Variants in TNS1 observed in about 807,000 individuals in gnomAD.
TNS1 encodes the protein tensin 1.
A neutral mutation model predicts 168.6 loss-of-function variants in TNS1; 62 were observed. The observed-to-expected ratio is 0.37, with a 90% CI of 0.30 to 0.45. The LOEUF is 0.45. Ranked by LOEUF, TNS1 falls within the 20% of genes least tolerant of loss-of-function variation. The probability of loss-of-function intolerance (pLI) is 1.00; values close to 1 mark genes in which losing one functional copy is unlikely to be tolerated. For missense variants in TNS1, 2,240 were observed against 2,339.4 expected (o/e 0.96, Z 0.88); for synonymous variants, 934 against 933.2 (o/e 1.00, Z -0.02).
chr2:217,948,456 C>A lies in TNS1; in HGVS notation c.187-28220G>T, dbSNP rs1289651489. Among the ~76,000 whole-genome samples the A allele has an allele frequency of 6.6e-6, 1 of 152,170 alleles. No individual in the cohort carries two copies. The highest frequency in any genetic ancestry group is 2.4e-5 in the African/African-American group (1 of 41,424). On this transcript the variant is annotated intron_variant, in intron 3 of 32. Transcript: ENST00000682258. The surrounding 1 kb of genome is among the most constrained non-coding windows in gnomAD (Gnocchi z 4.1). ...GGCCTCTGAATCCTGCTAGGCCCAA[C>A]ACACCCCATAGGGAGCCAGGCCCCA...
Position 217,836,175 on chromosome 2 carries a change from G to T in TNS1, c.3044C>A (p.Pro1015Gln). 1 of 1,613,160 alleles carries T rather than the reference G, an allele frequency of 6.2e-7. No individual in the cohort carries two copies. ...QAREKQPAEP[P>Q]APLRRRAASD... ...GGCCGCCCGCCTCCGCAGAGGGGCTGGGGGCTCTGCAGGCTGCTTCTCCCG... is the reference window on the plus strand; with the variant it reads ...GGCCGCCCGCCTCCGCAGAGGGGCTTGGGGCTCTGCAGGCTGCTTCTCCCG... Residue 1015 changes from proline to glutamine, a missense_variant, in exon 20 of 33, where the codon CCA becomes CAA. By Grantham distance (76) the Pro-to-Gln change is moderately conservative. This residue lies in a region of TNS1 where 2,131 missense variants were observed against 2,171.2 expected (regional missense o/e 0.98). Coordinates refer to ENST00000682258, the MANE Select transcript of TNS1 (RefSeq NM_001387777.1).
chr2:217,809,180 CATGGATGG>C lies in TNS1; in HGVS notation c.5274-517_5274-510del, dbSNP rs879608103. ...GGATGAATAAATGCAGGGATGGAGG[CATGGATGG>C]ATGGATGGATGGATGGATGGATGGA... On this transcript the variant is annotated intron_variant, in intron 30 of 32. Transcript: ENST00000682258. 3.1e-5 allele frequency among the ~76,000 whole-genome samples: 4 copies of C among 130,644 alleles called. 1 individual carries two copies. The highest frequency in any genetic ancestry group is 4.7e-4 in the East Asian group (2 of 4,224). 85.7% of individuals were successfully genotyped at this position (130,644 alleles called of 152,430 possible). A position where few individuals can be genotyped will look rare whatever the true frequency, so the allele number is the denominator to read the frequency against.
Position 217,880,934 on chromosome 2 carries a change from C to G in TNS1, c.1393G>C (p.Asp465His), listed in dbSNP as rs1335007751. 1.7e-5 allele frequency: 27 copies of G among 1,614,088 alleles called. No individual in the cohort carries two copies. The highest frequency in any genetic ancestry group is 2.3e-5 in the Non-Finnish European group (27 of 1,180,004). The change falls in exon 18 of 33, where the codon GAC becomes CAC. Residue 465 changes from aspartate (D) to histidine (H), a missense_variant. Around this residue, in one of 2 missense-constraint regions of TNS1, gnomAD observed 2,131 missense variants for 2,171.2 expected, o/e 0.98. Coordinates refer to ENST00000682258, the MANE Select transcript of TNS1 (RefSeq NM_001387777.1). This position sits in a 1 kb window ranked among gnomAD's most constrained non-coding sequence, Gnocchi z 4.2. ...SDPLIRWDSY[D>H]NFSGHRDDGM... is the part of the protein sequence containing the mutation. The stretch of plus-strand genomic sequence containing the variant: ...TCATCTCGATGCCCACTGAAGTTGT[C>G]GTAGGAGTCCCAGCGGATGAGGGGG...
upstream of TNS1, chr2:218,003,128 C>T (rs903700913): frequency 2.8e-6 from 1 of 360,614 alleles, no homozygotes; most frequent in Non-Finnish European, 5.5e-6. Flanking sequence ...GGTCAGGAAC[C>T]CTGCTTTGCA....
intron 3 of TNS1, among the ~76,000 whole-genome samples, chr2:217,966,338 A>G (rs1270959205): frequency 1.4e-5 from 2 of 148,002 alleles, no homozygotes; most frequent in Admixed American, 1.3e-4. Context: ...AGGAGACAGC[A>G]AGAGAGAGAG....
intron 9 of TNS1, among the ~76,000 whole-genome samples, chr2:217,894,618 C>A (rs1489550004): frequency 6.6e-6 from 1 of 152,122 alleles, no homozygotes; most frequent in Non-Finnish European, 1.5e-5. Context: ...GATCACGCCA[C>A]TGCACTCCAG....
chr2:217,805,189 G>A (rs143113579), intron 32 of TNS1, among the ~76,000 whole-genome samples: 1 of 151,576 alleles, frequency 6.6e-6, no homozygotes, highest in Admixed American at 6.6e-5. Context: ...CCACCCGCAG[G>A]ACTGGAGTGA....
At chr2:217,837,049 G>A (rs915003785) in intron 19 of TNS1, among the ~76,000 whole-genome samples, 1 of 152,034 alleles carries the variant, frequency 6.6e-6, no homozygotes, top group Non-Finnish European at 1.5e-5. Flanking sequence ...CATTGAGCTG[G>A]CTCCCAGAAT....
chr2:217,830,268 C>T (rs568601349), intron 22 of TNS1: 32 of 1,476,132 alleles, frequency 2.2e-5, no homozygotes, highest in East Asian at 1.4e-4. Flanking sequence ...ACTGATCCCC[C>T]GTGGCTCAGT....
At chr2:217,844,016 T>C (rs749083625) in intron 19 of TNS1, among the ~76,000 whole-genome samples, 1 of 152,146 alleles carries the variant, frequency 6.6e-6, no homozygotes, top group Non-Finnish European at 1.5e-5. Context: ...ACACCAAGGC[T>C]TCATCTTCCA....
chr2:217,818,603 A>G lies in TNS1; in HGVS notation c.3729T>C (p.Thr1243=), dbSNP rs1484185288. The part of the protein sequence containing the change: ...RNYQSSSPLP[T]VGSSYSSPDY... The stretch of plus-strand genomic sequence containing the variant: ...CGGGGCTGCTGTAGCTACTGCCCAC[A>G]GTCGGGAGAGGAGAAGAGCTCTGGT... Residue 1243 remains threonine, a synonymous_variant, in exon 24 of 33, where the codon ACT becomes ACC. Coordinates refer to ENST00000682258, the MANE Select transcript of TNS1 (RefSeq NM_001387777.1). 6.8e-6 allele frequency: 11 copies of G among 1,614,204 alleles called. No homozygotes were observed. In the South Asian group the frequency reaches 1.1e-4, roughly 16 times the overall value.
chr2:217,913,113 T>C (rs886536551), intron 4 of TNS1, among the ~76,000 whole-genome samples: 11 of 152,232 alleles, frequency 7.2e-5, no homozygotes, highest in Admixed American at 6.5e-4. Context: ...GAAAGAGCAC[T>C]GAGCAGATGG....
chr2:217,840,615 TC>T (rs1006208904), intron 19 of TNS1, among the ~76,000 whole-genome samples: 4 of 152,140 alleles, frequency 2.6e-5, no homozygotes, highest in African/African-American at 9.7e-5. Flanking sequence ...GGGTACGCTG[TC>T]CCCAGGGTGT....
In TNS1 at chr2:217,978,798, G is replaced by C. The variant is rs1325049602; in HGVS notation, c.153C>G (p.Cys51Trp). 1 of 702,248 alleles carries C rather than the reference G, an allele frequency of 1.4e-6. No individual in the cohort carries two copies. The highest frequency in any genetic ancestry group is 1.5e-5 in the South Asian group (1 of 67,578). 43.5% of individuals were successfully genotyped at this position (702,248 alleles called of 1,614,324 possible). A position where few individuals can be genotyped will look rare whatever the true frequency, so the allele number is the denominator to read the frequency against. ...GGCATTTCCGATGACAGGAGAAGCT[G>C]CAGACTGCAAGAGGGCGAGACACAG... Reference protein sequence around the residue: ...ITQEGCTCKVCSFSCHRKCQA... With the variant: ...ITQEGCTCKVWSFSCHRKCQA... Residue 51 changes from cysteine to tryptophan, a missense_variant, in exon 3 of 33, where the codon TGC (cysteine) becomes TGG (tryptophan). This residue lies in a region of TNS1 where 2,131 missense variants were observed against 2,171.2 expected (regional missense o/e 0.98). Transcript: ENST00000682258.
chr2:217,963,953 G>A (rs1404570396), intron 3 of TNS1, among the ~76,000 whole-genome samples: 1 of 150,792 alleles, frequency 6.6e-6, no homozygotes, highest in Non-Finnish European at 1.5e-5. Context: ...TGACTCCCCA[G>A]GCCCCAAATC....
At position 217,831,449 on chromosome 2, in the gene TNS1, A is replaced by G. The variant is rs1338828389; in HGVS notation, c.3373+6T>C. 2 of 1,571,976 alleles carry G rather than the reference A, an allele frequency of 1.3e-6. No homozygotes were observed. Among genetic ancestry groups the G allele is most frequent in the Admixed American group, 3.7e-5 (2 of 54,336 alleles). On this transcript the variant is annotated splice_donor_region_variant and intron_variant, in intron 22 of 32. Coordinates refer to ENST00000682258, the MANE Select transcript of TNS1 (RefSeq NM_001387777.1). The stretch of plus-strand genomic sequence containing the variant: ...CCCCTCCCCATCTTCCCTCTTCCCA[A>G]CTCACCTCCTGTGGGGTGCAACAGG...
chr2:217,963,338 C>T (rs990398568), intron 3 of TNS1, among the ~76,000 whole-genome samples: 1 of 152,210 alleles, frequency 6.6e-6, no homozygotes, highest in Non-Finnish European at 1.5e-5. Flanking sequence ...AGCCAGACTG[C>T]ATCTAATGAC....
intron 1 of TNS1, among the ~76,000 whole-genome samples, chr2:218,000,072 A>G (rs979831770): frequency 1.3e-5 from 2 of 152,254 alleles, no homozygotes; most frequent in Admixed American, 1.3e-4. Context: ...CTCAATTGCT[A>G]GGCATGCAAT....
intron 4 of TNS1, among the ~76,000 whole-genome samples, chr2:217,915,203 C>T (rs968084581): frequency 2.0e-5 from 3 of 152,220 alleles, no homozygotes; most frequent in African/African-American, 7.2e-5. Context: ...TGGAGCGAGC[C>T]CGCACACTGA....
Sources: gnomAD v4.1 joint callset for allele counts (sites outside exome capture counted in the v4.1 genomes callset) on GRCh38, gnomAD v4.1.1 for gene constraint, gnomAD v4.1.1 regional missense constraint, Gnocchi (gnomAD v3.1) non-coding constraint, MANE v1.5 for transcripts, NCBI Gene and HGNC (gene_info 2026-07-23, HGNC 2026-07-21) for gene names.